The following AUTS2 variants were observed in gnomAD, a reference collection of about 807,000 sequenced individuals.
The protein encoded by AUTS2 is activator of transcription and developmental regulator AUTS2, also known as autism susceptibility gene 2 protein.
Under a neutral mutation model 112.4 loss-of-function variants are expected in AUTS2, and 17 were observed. That is an observed-to-expected ratio of 0.15 (90% CI 0.10 to 0.23). The LOEUF (loss-of-function observed/expected upper bound fraction) is 0.23, where lower values mean the gene tolerates loss of function less well. Ranked by LOEUF, AUTS2 falls within the 10% of genes least tolerant of loss-of-function variation. The pLI, the probability that AUTS2 is intolerant of heterozygous loss-of-function variation, is 1.00. For synonymous variants in AUTS2, 751 were observed against 702.7 expected, an observed-to-expected ratio of 1.07 and a Z score of -1.09; for missense variants, 1,510 against 1,701.6, an observed-to-expected ratio of 0.89 and a Z score of 1.98.
At chr7:70,605,607 A>G (rs1314166487) in intron 5 of AUTS2, among the ~76,000 whole-genome samples, 1 of 126,230 alleles carries the variant, frequency 7.9e-6, no homozygotes, top group Non-Finnish European at 1.5e-5. Flanking sequence ...GCTCCCACTG[A>G]AATCTACTTA....
chr7:70,507,013 C>G (rs1467250593), intron 5 of AUTS2, among the ~76,000 whole-genome samples: 3 of 152,166 alleles, frequency 2.0e-5, no homozygotes, highest in Admixed American at 6.5e-5. Flanking sequence ...AAGACAGGGA[C>G]CACTGATGCT....
chr7:70,735,380 A>G (rs75732446), intron 6 of AUTS2, among the ~76,000 whole-genome samples: 14,381 of 152,258 alleles, frequency 0.094, 755 homozygotes, highest in East Asian at 0.24. Flanking sequence ...TGAAGTTACA[A>G]CAGTCATTCA....
At chr7:70,654,707 C>T (rs979868952) in intron 5 of AUTS2, among the ~76,000 whole-genome samples, 3 of 152,090 alleles carry the variant, frequency 2.0e-5, no homozygotes, top group Admixed American at 6.6e-5. Flanking sequence ...GAGGCTAATT[C>T]GTGAAAGAAA....
At chr7:70,695,584 C>T (rs1238668720) in intron 5 of AUTS2, among the ~76,000 whole-genome samples, 1 of 151,656 alleles carries the variant, frequency 6.6e-6, no homozygotes, top group Non-Finnish European at 1.5e-5. Context: ...GTGCGGAGGG[C>T]GGCCCCCGGG....
At chr7:70,399,819 G>C (rs1445969552) in intron 4 of AUTS2, among the ~76,000 whole-genome samples, 2 of 152,142 alleles carry the variant, frequency 1.3e-5, no homozygotes. Context: ...CTGAGTGTTG[G>C]TAAGCATACA....
intron 18 of AUTS2, 115 bp from the exon 19 acceptor site, chr7:70,789,632 TG>T: frequency 7.9e-7 from 1 of 1,267,260 alleles, no homozygotes; most frequent in Non-Finnish European, 1.1e-6. Context: ...TTGGCGACCA[TG>T]GGAAGCAGCC....
chr7:70,232,371 C>T (rs1812101637), intron 4 of AUTS2, among the ~76,000 whole-genome samples: 1 of 151,796 alleles, frequency 6.6e-6, no homozygotes, highest in African/African-American at 2.4e-5. Context: ...TTAACGTGGT[C>T]AGCAACATAA....
chr7:70,197,491 TGC>T (rs1810245230), intron 4 of AUTS2, among the ~76,000 whole-genome samples: 1 of 134,504 alleles, frequency 7.4e-6, no homozygotes, highest in African/African-American at 2.8e-5. Context: ...GTGCGCACCG[TGC>T]GCGAGCCGAA....
chr7:69,689,638 C>A (rs992874657), intron 1 of AUTS2, among the ~76,000 whole-genome samples: 2 of 137,096 alleles, frequency 1.5e-5, no homozygotes, highest in African/African-American at 5.5e-5. Flanking sequence ...CCGCACCCGG[C>A]CTTTTATTTA....
intron 2 of AUTS2, among the ~76,000 whole-genome samples, chr7:69,957,568 T>C (rs1023986360): frequency 2.0e-5 from 3 of 152,066 alleles, no homozygotes; most frequent in African/African-American, 7.2e-5. Context: ...GCCTTATAGT[T>C]ACATATATAT....
chr7:70,606,294 G>T (rs1449905050), intron 5 of AUTS2, among the ~76,000 whole-genome samples: 4 of 152,116 alleles, frequency 2.6e-5, no homozygotes, highest in Admixed American at 2.6e-4. Context: ...TAGGACTTAG[G>T]ACTGAGTCCC....
At chr7:69,959,038 A>T (rs1177242708) in intron 2 of AUTS2, among the ~76,000 whole-genome samples, 2 of 152,172 alleles carry the variant, frequency 1.3e-5, no homozygotes, top group Admixed American at 1.3e-4. Flanking sequence ...ATTAGTAATC[A>T]GTTGTCTCAA....
At chr7:70,230,412 C>G (rs193051825) in intron 4 of AUTS2, among the ~76,000 whole-genome samples, 113 of 152,250 alleles carry the variant, frequency 7.4e-4, no homozygotes, top group African/African-American at 2.7e-3. Flanking sequence ...TAGGGACCAC[C>G]CCTGAAATCA....
At chr7:70,428,585 G>A (rs1795526355) in intron 4 of AUTS2, among the ~76,000 whole-genome samples, 1 of 152,108 alleles carries the variant, frequency 6.6e-6, no homozygotes, top group African/African-American at 2.4e-5. Flanking sequence ...TTACAAGTTG[G>A]GGTTCTCCCT....
At chr7:70,083,136 T>C (rs919414529) in intron 2 of AUTS2, among the ~76,000 whole-genome samples, 1 of 152,162 alleles carries the variant, frequency 6.6e-6, no homozygotes, top group East Asian at 1.9e-4. Context: ...CTTTCCCTGA[T>C]GATTGTTTTT....
intron 4 of AUTS2, among the ~76,000 whole-genome samples, chr7:70,223,852 G>GTTTT (rs34236397): frequency 7.6e-6 from 1 of 131,934 alleles, no homozygotes; most frequent in Non-Finnish European, 1.6e-5. Context: ...TTGTATCTTT[G>GTTTT]TTTTTTTTTT....
chr7:70,177,940 G>GA (rs1809081564), intron 4 of AUTS2, among the ~76,000 whole-genome samples: 2 of 142,796 alleles, frequency 1.4e-5, no homozygotes, highest in Admixed American at 7.0e-5. Context: ...TTTTTGAGGT[G>GA]GAGTCTTGCG....
At chr7:70,416,826 C>A (rs1256257741) in intron 4 of AUTS2, among the ~76,000 whole-genome samples, 3 of 152,170 alleles carry the variant, frequency 2.0e-5, no homozygotes, top group African/African-American at 7.2e-5. Flanking sequence ...GCCTCCTGCA[C>A]CCCTGCTCCC....
chr7:70,749,407 C>G (rs186597863), intron 6 of AUTS2, among the ~76,000 whole-genome samples: 1 of 152,226 alleles, frequency 6.6e-6, no homozygotes, highest in East Asian at 1.9e-4. Flanking sequence ...CTGGATGATG[C>G]TAGGGTTGCT....
Sources: gnomAD v4.1 joint callset for allele counts (sites outside exome capture counted in the v4.1 genomes callset) on GRCh38, gnomAD v4.1.1 for gene constraint, MANE v1.5 for transcripts, NCBI Gene and HGNC (gene_info 2026-07-23, HGNC 2026-07-21) for gene names.